The following CRYAB variants were observed in gnomAD, a reference collection of about 807,000 sequenced individuals.
CRYAB encodes alpha-crystallin B chain.
Under a neutral mutation model 12.7 loss-of-function variants are expected in CRYAB, and 9 were observed. The ratio of observed to expected loss-of-function variants is 0.71; its 90% CI spans 0.43 to 1.24. The LOEUF is 1.24. Ranked by LOEUF, CRYAB falls within the 50% of genes most tolerant of loss-of-function variation. The pLI is 0.00. For missense variants in CRYAB, 183 were observed against 226.6 expected (o/e 0.81, Z 1.24); for synonymous variants, 93 against 86.8 (o/e 1.07, Z -0.40).
At chr11:111,912,889 C>T (rs1965511372), upstream of CRYAB, 2 of 1,609,672 alleles carry the variant, frequency 1.2e-6, no homozygotes, top group Non-Finnish European at 1.7e-6. Flanking sequence ...AATTTGCCAA[C>T]CCGAGCCGCC....
In CRYAB at chr11:111,908,713, A is replaced by G. The variant is rs562325060; in HGVS notation, c.*51T>C. The G allele has an allele frequency of 1.3e-6, 2 of 1,577,216 alleles. No homozygotes were observed. The highest frequency in any genetic ancestry group is 4.5e-5 in the East Asian group (2 of 44,726). ...AGCACTAGTCACAAGACTTTCATTC[A>G]CTGGTGGGGAAACTTTCTTGTTTTA... On this transcript the variant is annotated 3_prime_UTR_variant, in exon 3 of 3. Transcript: ENST00000650687.
upstream of CRYAB, chr11:111,913,625 G>T: frequency 1.2e-6 from 2 of 1,614,200 alleles, no homozygotes; most frequent in Non-Finnish European, 1.7e-6. Flanking sequence ...TGAGGACTGT[G>T]GATAACCTGC....
chr11:111,909,277 G>A (rs782712958), intron 2 of CRYAB: 1 of 475,944 alleles, frequency 2.1e-6, no homozygotes, highest in Non-Finnish European at 4.2e-6. Flanking sequence ...TACAGAATTT[G>A]GAATCTCATT....
chr11:111,912,694 G>C, upstream of CRYAB: 2 of 426,984 alleles, frequency 4.7e-6, no homozygotes, highest in Non-Finnish European at 8.3e-6. Context: ...CCCCCCAAGA[G>C]GCTCGGCACT....
intron 1 of CRYAB, 115 bp from the exon 2 acceptor site, chr11:111,910,564 T>G: frequency 7.6e-7 from 1 of 1,316,164 alleles, no homozygotes; most frequent in Non-Finnish European, 1.1e-6. Flanking sequence ...CATCCTTCTC[T>G]TCTCTGCTTA....
At chr11:111,913,610 G>A (rs587627710), upstream of CRYAB, 5 of 1,614,204 alleles carry the variant, frequency 3.1e-6, no homozygotes, top group African/African-American at 2.7e-5. Flanking sequence ...CAGACGAGGT[G>A]ACTGTGAGGA....
At chr11:111,914,167 A>G (rs774548070), upstream of CRYAB, 1 of 418,900 alleles carries the variant, frequency 2.4e-6, no homozygotes, top group Non-Finnish European at 4.3e-6. Flanking sequence ...ACAGCCAGCT[A>G]GACAAAAAGC....
intron 1 of CRYAB, among the ~76,000 whole-genome samples, chr11:111,920,600 C>G (rs181178505): frequency 6.6e-6 from 1 of 150,940 alleles, no homozygotes; most frequent in East Asian, 2.0e-4. Flanking sequence ...CCCATCTCTA[C>G]AAAAAAATTA....
At chr11:111,918,954 C>A in intron 1 of CRYAB, 1 of 1,614,168 alleles carries the variant, frequency 6.2e-7, no homozygotes, top group Non-Finnish European at 8.5e-7. Flanking sequence ...CAGCTGGGCT[C>A]CCTTGGAGAC....
chr11:111,909,028 C>G, intron 2 of CRYAB, 61 bp from the exon 3 acceptor site: 1 of 1,570,170 alleles, frequency 6.4e-7, no homozygotes, highest in Non-Finnish European at 8.7e-7. Context: ...TATCACCTGC[C>G]CAGAACTCAG....
chr11:111,911,787 A>G, upstream of CRYAB: 1 of 1,129,642 alleles, frequency 8.9e-7, no homozygotes. Flanking sequence ...AGCTACAGCC[A>G]GCCCCTTATA....
At chr11:111,912,334 AC>A (rs1160494052), upstream of CRYAB, 4 of 186,242 alleles carry the variant, frequency 2.1e-5, no homozygotes, top group Non-Finnish European at 4.5e-5. Flanking sequence ...GAAAGACCCC[AC>A]CCCCTGAAAA....
chr11:111,910,402 GTGC>G lies in CRYAB; in HGVS notation c.246_248del (p.Lys82_His83delinsAsn), dbSNP rs1237936105. ...TAACTTTGAGTTCCTCTGGGGAGAA[GTGC>G]TTCACATCCAGGTTGACAGAGAACC... On this transcript the variant is annotated inframe_deletion, in exon 2 of 3. Coordinates refer to ENST00000650687, the MANE Select transcript of CRYAB (RefSeq NM_001289808.2). 1.2e-6 allele frequency: 2 copies of G among 1,614,092 alleles called. No individual in the cohort carries two copies. The highest frequency in any genetic ancestry group is 2.7e-5 in the African/African-American group (2 of 74,930).
At chr11:111,918,856 A>G in intron 1 of CRYAB, 1 of 1,227,124 alleles carries the variant, frequency 8.1e-7, no homozygotes, top group Non-Finnish European at 1.2e-6. Flanking sequence ...TGCTAGGTTG[A>G]AATCTGACAC....
intron 1 of CRYAB, chr11:111,911,043 C>A (rs1370562825): frequency 4.4e-6 from 1 of 228,488 alleles, no homozygotes; most frequent in Non-Finnish European, 8.7e-6. Flanking sequence ...CCCAGGCCAG[C>A]GCCCTGTCGT....
chr11:111,910,487 G>T (rs543353856), intron 1 of CRYAB, 38 bp from the exon 2 acceptor site: 1 of 1,613,612 alleles, frequency 6.2e-7, no homozygotes, highest in South Asian at 1.1e-5. Flanking sequence ...ATGGGAGAAA[G>T]AGGGCAAAAA....
rs147970333 is a variant in CRYAB at position 111,908,782 on chromosome 11, G to A, written c.510C>T (p.Thr170=). 6.0e-5 allele frequency: 97 copies of A among 1,612,796 alleles called. No individual in the cohort carries two copies. Among genetic ancestry groups the A allele is most frequent in the Non-Finnish European group, 7.3e-5 (86 of 1,179,996 alleles). The change falls in exon 3 of 3, where the codon ACC becomes ACT. Residue 170 remains threonine, a synonymous_variant. Coordinates refer to ENST00000650687, the MANE Select transcript of CRYAB (RefSeq NM_001289808.2). ...AGGGCATCTATTTCTTGGGGGCTGC[G>A]GTGACAGCAGGCTTCTCTTCACGGG... is the stretch of plus-strand genomic sequence containing the variant. ...PITREEKPAV[T]AAPKK is the part of the protein sequence containing the mutation.
chr11:111,912,484 T>C, upstream of CRYAB: 1 of 397,836 alleles, frequency 2.5e-6, no homozygotes, highest in Non-Finnish European at 4.6e-6. Context: ...AAACCGTTTG[T>C]GAGGGTCTCA....
At chr11:111,911,216 GT>G (rs1180598732) in intron 1 of CRYAB, among the ~76,000 whole-genome samples, 5 of 152,170 alleles carry the variant, frequency 3.3e-5, no homozygotes, top group Non-Finnish European at 5.9e-5. Flanking sequence ...AAGCAAAGGA[GT>G]TTGAAGGCAG....
Sources: allele counts gnomAD v4.1 joint callset (sites outside exome capture counted in the v4.1 genomes callset), GRCh38; gene constraint gnomAD v4.1.1; transcripts MANE v1.5; gene names NCBI Gene and HGNC (gene_info 2026-07-23, HGNC 2026-07-21).